Variants in LRFN2 observed in about 807,000 individuals in gnomAD.
LRFN2 encodes the protein leucine rich repeat and fibronectin type III domain containing 2.
A neutral mutation model predicts 37.3 loss-of-function variants in LRFN2; 18 were observed. The ratio of observed to expected loss-of-function variants is 0.48; its 90% CI spans 0.33 to 0.72. LRFN2 has a LOEUF of 0.72. Among genes scored for constraint, LRFN2 ranks in the 30% least tolerant of loss-of-function variants. The pLI is 0.02. For missense variants in LRFN2, 1,006 were observed against 1,060.7 expected (o/e 0.95, Z 0.72); for synonymous variants, 556 against 466.6 (o/e 1.19, Z -2.47).
At chr6:40,572,649 G>T (rs1767209403) in intron 1 of LRFN2, among the ~76,000 whole-genome samples, 2 of 152,218 alleles carry the variant, frequency 1.3e-5, no homozygotes, top group South Asian at 2.1e-4. Context: ...ATAGACTCTT[G>T]TCCCTGTCCT....
intron 1 of LRFN2, among the ~76,000 whole-genome samples, chr6:40,514,821 G>A (rs546956404): frequency 9.9e-5 from 15 of 152,228 alleles, no homozygotes; most frequent in Non-Finnish European, 1.8e-4. Context: ...TAGCTTCCTG[G>A]AGAAGCAGCA....
intron 1 of LRFN2, among the ~76,000 whole-genome samples, chr6:40,493,150 C>T (rs1765132659): frequency 6.6e-6 from 1 of 152,058 alleles, no homozygotes; most frequent in African/African-American, 2.4e-5. Flanking sequence ...TCCTGGAGTC[C>T]TCTATGCACT....
At chr6:40,585,071 A>G (rs1012210192) in intron 1 of LRFN2, among the ~76,000 whole-genome samples, 2 of 152,100 alleles carry the variant, frequency 1.3e-5, no homozygotes, top group African/African-American at 2.4e-5. Flanking sequence ...CACTTCACAG[A>G]AGAAGGAGCC....
chr6:40,506,718 G>A (rs1247980145), intron 1 of LRFN2, among the ~76,000 whole-genome samples: 1 of 152,118 alleles, frequency 6.6e-6, no homozygotes. Context: ...ATATGTCACT[G>A]TCCCCAAAGC....
chr6:40,471,880 A>G (rs569306150), intron 1 of LRFN2, among the ~76,000 whole-genome samples: 2 of 152,316 alleles, frequency 1.3e-5, no homozygotes, highest in East Asian at 3.9e-4. Context: ...CTGCAAAGCA[A>G]GCCCCTTGAG....
At chr6:40,537,092 G>A (rs563417185) in intron 1 of LRFN2, among the ~76,000 whole-genome samples, 1 of 152,294 alleles carries the variant, frequency 6.6e-6, no homozygotes, top group South Asian at 2.1e-4. Flanking sequence ...TTTGATCCAG[G>A]GGATCTGGTG....
intron 2 of LRFN2, among the ~76,000 whole-genome samples, chr6:40,416,542 A>G (rs1763096684): frequency 6.6e-6 from 1 of 152,188 alleles, no homozygotes; most frequent in Non-Finnish European, 1.5e-5. Context: ...TGAGAGTAGC[A>G]AGCATGAGCC....
At chr6:40,457,574 G>A (rs971000003) in intron 1 of LRFN2, among the ~76,000 whole-genome samples, 20 of 147,552 alleles carry the variant, frequency 1.4e-4, no homozygotes, top group Non-Finnish European at 2.8e-4. Context: ...AGGAGGTTAA[G>A]GCTGCAGTGA....
intron 1 of LRFN2, chr6:40,516,220 C>T (rs1165960589): frequency 6.6e-6 from 1 of 152,244 alleles, no homozygotes; most frequent in South Asian, 2.1e-4. Flanking sequence ...AGCAGTGACT[C>T]AGCACAGTCT....
intron 1 of LRFN2, among the ~76,000 whole-genome samples, chr6:40,496,204 C>T (rs1192873317): frequency 6.6e-6 from 1 of 152,162 alleles, no homozygotes; most frequent in African/African-American, 2.4e-5. Context: ...TTACCACCTC[C>T]ACTACTACTG....
At chr6:40,508,946 C>G (rs983451930) in intron 1 of LRFN2, among the ~76,000 whole-genome samples, 21 of 152,192 alleles carry the variant, frequency 1.4e-4, no homozygotes, top group African/African-American at 4.6e-4. Flanking sequence ...AAGATCATCT[C>G]CAGGGCTCCT....
At chr6:40,551,698 C>T (rs539870474) in intron 1 of LRFN2, among the ~76,000 whole-genome samples, 15 of 152,252 alleles carry the variant, frequency 9.9e-5, no homozygotes, top group South Asian at 4.1e-4. Context: ...GGATTGATTC[C>T]GGGATAGAAC....
At chr6:40,414,181 C>T (rs1405559743) in intron 2 of LRFN2, among the ~76,000 whole-genome samples, 1 of 152,148 alleles carries the variant, frequency 6.6e-6, no homozygotes, top group Non-Finnish European at 1.5e-5. Flanking sequence ...CAATTCCTAA[C>T]CTAGGAAAGA....
At chr6:40,400,845 T>C (rs1327894107) in intron 2 of LRFN2, among the ~76,000 whole-genome samples, 10 of 151,790 alleles carry the variant, frequency 6.6e-5, no homozygotes, top group Admixed American at 1.3e-4. Flanking sequence ...TGAGAAGATG[T>C]GTGTCTAAGA....
At chr6:40,479,006 T>C (rs1764767020) in intron 1 of LRFN2, among the ~76,000 whole-genome samples, 2 of 152,340 alleles carry the variant, frequency 1.3e-5, no homozygotes, top group Middle Eastern at 6.8e-3. Flanking sequence ...AGGCAAATAG[T>C]TGAGGCACAG....
At chr6:40,422,508 G>A (rs548470226) in intron 2 of LRFN2, among the ~76,000 whole-genome samples, 8 of 151,598 alleles carry the variant, frequency 5.3e-5, no homozygotes, top group African/African-American at 1.9e-4. Flanking sequence ...GGAAACATGG[G>A]TGGTAGGAAG....
intron 1 of LRFN2, among the ~76,000 whole-genome samples, chr6:40,581,338 C>T (rs1561915527): frequency 6.6e-6 from 1 of 152,154 alleles, no homozygotes; most frequent in Non-Finnish European, 1.5e-5. Flanking sequence ...TAGGAGAGCA[C>T]ACAGGCTCTA....
chr6:40,498,358 C>T (rs1765285298), intron 1 of LRFN2, among the ~76,000 whole-genome samples: 1 of 152,128 alleles, frequency 6.6e-6, no homozygotes, highest in Non-Finnish European at 1.5e-5. Context: ...AATTAACACC[C>T]AGATTCAGAC....
chr6:40,508,649 A>C (rs1765608281), intron 1 of LRFN2, among the ~76,000 whole-genome samples: 1 of 152,232 alleles, frequency 6.6e-6, no homozygotes, highest in African/African-American at 2.4e-5. Flanking sequence ...TGCAATTGAC[A>C]AAAGTACCTA....
Sources: gnomAD v4.1 joint callset for allele counts (sites outside exome capture counted in the v4.1 genomes callset) on GRCh38, gnomAD v4.1.1 for gene constraint, MANE v1.5 for transcripts, NCBI Gene and HGNC (gene_info 2026-07-23, HGNC 2026-07-21) for gene names.